Variants in ZRANB1 observed in about 807,000 individuals in gnomAD.
ZRANB1 encodes the protein ubiquitin thioesterase ZRANB1.
ZRANB1 carries 16 observed loss-of-function variants against 80.5 expected under a neutral mutation model. The ratio of observed to expected loss-of-function variants is 0.20; its 90% confidence interval spans 0.13 to 0.30. The LOEUF is 0.30. ZRANB1 is among the 10% of genes least tolerant of loss of function. ZRANB1 has a pLI of 1.00. For synonymous variants in ZRANB1, 291 were observed against 293.1 expected, an observed-to-expected ratio of 0.99 and a Z score of 0.07; for missense variants, 576 against 862.6, an observed-to-expected ratio of 0.67 and a Z score of 4.16.
rs1390550165 is a variant in ZRANB1 at position 124,986,455 on chromosome 10, A to G, written c.*1463A>G. 6.6e-6 allele frequency: 1 copy of G among 152,254 alleles called. No homozygotes were observed. The highest frequency in any genetic ancestry group is 1.5e-5 in the Non-Finnish European group (1 of 68,032). The allele number at this position is 152,254 out of a possible 1,614,324, so 9.4% of individuals were successfully genotyped here. A position where few individuals can be genotyped will look rare whatever the true frequency, so the allele number is the denominator to read the frequency against. ...GCCAGAATACTAAAAATAGAAAAAT[A>G]CCCACAAAACTGTCATGTCTTTAGT... On this transcript the variant is annotated 3_prime_UTR_variant, in exon 9 of 9. Transcript: ENST00000359653.
At chr10:124,918,414 C>A in the ZRANB1 span, among the ~76,000 whole-genome samples, 1 of 152,178 alleles carries the variant, frequency 6.6e-6, no homozygotes, top group African/African-American at 2.4e-5. Flanking sequence ...GGTCTCGCAC[C>A]TCTGACCTCA....
intron 5 of ZRANB1, among the ~76,000 whole-genome samples, chr10:124,977,992 GA>G (rs1443880367): frequency 6.6e-6 from 1 of 152,120 alleles, no homozygotes; most frequent in Non-Finnish European, 1.5e-5. Context: ...AGCTTTGCCC[GA>G]TGGTTTACAG....
chr10:124,971,595 C>T (rs189924327), intron 2 of ZRANB1, among the ~76,000 whole-genome samples: 25 of 152,296 alleles, frequency 1.6e-4, no homozygotes, highest in Admixed American at 1.5e-3. Context: ...TGATTCTCTG[C>T]TTCTAAAGAA....
At chr10:124,935,785 C>T in the ZRANB1 span, among the ~76,000 whole-genome samples, 2 of 152,174 alleles carry the variant, frequency 1.3e-5, no homozygotes, top group African/African-American at 2.4e-5. Context: ...ACACAAGGTG[C>T]TGGTCTACCT....
chr10:124,981,897 G>A, intron 6 of ZRANB1, 68 bp downstream of exon 6: 1 of 1,580,890 alleles, frequency 6.3e-7, no homozygotes. Flanking sequence ...TGGTTTATTT[G>A]AGCAAACCAT....
the ZRANB1 span, among the ~76,000 whole-genome samples, chr10:124,933,197 C>T: frequency 1.3e-4 from 17 of 135,010 alleles, no homozygotes; most frequent in East Asian, 2.3e-4. Flanking sequence ...AGAGCAATGG[C>T]GCGATCTCGG....
chr10:124,919,320 G>A, the ZRANB1 span, among the ~76,000 whole-genome samples: 3 of 152,226 alleles, frequency 2.0e-5, no homozygotes, highest in South Asian at 6.2e-4. Flanking sequence ...TGAGGCGGGC[G>A]GATCGCCTGA....
intron 1 of ZRANB1, among the ~76,000 whole-genome samples, chr10:124,948,575 T>C (rs954794694): frequency 6.6e-6 from 1 of 152,058 alleles, no homozygotes; most frequent in Non-Finnish European, 1.5e-5. Context: ...TCTGCCTGGA[T>C]TGCTCTCCAC....
chr10:124,930,997 C>T, the ZRANB1 span, among the ~76,000 whole-genome samples: 1 of 152,212 alleles, frequency 6.6e-6, no homozygotes, highest in East Asian at 1.9e-4. Context: ...GCTGCTCTAG[C>T]TTAGGCCACA....
intron 1 of ZRANB1, chr10:124,945,088 A>T (rs1236176375): frequency 6.6e-6 from 1 of 152,218 alleles, no homozygotes; most frequent in Non-Finnish European, 1.5e-5. Context: ...TTAGAGATCA[A>T]ATTGATTTAA....
intron 5 of ZRANB1, among the ~76,000 whole-genome samples, chr10:124,980,701 G>A (rs1951923953): frequency 6.6e-6 from 1 of 152,084 alleles, no homozygotes; most frequent in Non-Finnish European, 1.5e-5. Flanking sequence ...ATTTCTTTAG[G>A]AAATATATTT....
chr10:124,959,423 T>G lies in ZRANB1; in HGVS notation c.815-7171T>G, dbSNP rs76606750. On this transcript the variant is annotated intron_variant, in intron 1 of 8. Coordinates refer to ENST00000359653, the MANE Select transcript of ZRANB1 (RefSeq NM_017580.3). ...AAATAGGTTAATTCCTTAACCTGGT[T>G]AAGGAATTTAGCTGTTAACCTGAGG... Among the ~76,000 whole-genome samples the G allele has an allele frequency of 4.3e-3, 650 of 152,056 alleles. 4 individuals are homozygous for G. The highest frequency in any genetic ancestry group is 7.2e-3 in the Non-Finnish European group (490 of 67,974).
chr10:124,922,264 TATATATATATATGTAAA>T, the ZRANB1 span, among the ~76,000 whole-genome samples: 46 of 108,482 alleles, frequency 4.2e-4, no homozygotes, highest in African/African-American at 1.5e-3. Context: ...ATGTAAAATA[TATATATATATATGTAAA>T]ATATATATAT....
chr10:124,969,977 C>G (rs554059858), intron 2 of ZRANB1, among the ~76,000 whole-genome samples: 88 of 152,112 alleles, frequency 5.8e-4, no homozygotes, highest in African/African-American at 1.9e-3. Context: ...AGGGTCCAGT[C>G]CAGGTGGTTT....
intron 5 of ZRANB1, among the ~76,000 whole-genome samples, chr10:124,977,054 A>C (rs1393212053): frequency 6.6e-6 from 1 of 151,924 alleles, no homozygotes; most frequent in African/African-American, 2.4e-5. Flanking sequence ...TGCATCCTTC[A>C]CTTTCTTGGG....
chr10:124,951,989 A>C (rs1377936555), intron 1 of ZRANB1, among the ~76,000 whole-genome samples: 1 of 152,108 alleles, frequency 6.6e-6, no homozygotes, highest in Non-Finnish European at 1.5e-5. Flanking sequence ...CAAAAAAATA[A>C]AAACAGTATT....
the ZRANB1 span, among the ~76,000 whole-genome samples, chr10:124,925,828 A>G: frequency 4.6e-5 from 7 of 152,208 alleles, no homozygotes; most frequent in Admixed American, 3.9e-4. Flanking sequence ...TTAGCAGTGC[A>G]CAGTCACGCG....
intron 6 of ZRANB1, among the ~76,000 whole-genome samples, chr10:124,982,817 G>A (rs1308459028): frequency 6.6e-6 from 1 of 151,802 alleles, no homozygotes; most frequent in Non-Finnish European, 1.5e-5. Flanking sequence ...GGACTTTGTT[G>A]TAGGTAGTGC....
chr10:124,944,378 CTG>C (rs1472359839), intron 1 of ZRANB1, among the ~76,000 whole-genome samples: 1 of 152,126 alleles, frequency 6.6e-6, no homozygotes, highest in Non-Finnish European at 1.5e-5. Context: ...ATTTATCCCT[CTG>C]GGTACAGCCC....
Sources: allele counts gnomAD v4.1 joint callset (sites outside exome capture counted in the v4.1 genomes callset), GRCh38; gene constraint gnomAD v4.1.1; transcripts MANE v1.5; gene names NCBI Gene and HGNC (gene_info 2026-07-23, HGNC 2026-07-21).